Variants in DNM2 observed in about 807,000 individuals in gnomAD.
DNM2 encodes dynamin-2.
A neutral mutation model predicts 99.0 loss-of-function variants in DNM2; 15 were observed. The ratio of observed to expected loss-of-function variants is 0.15; its 90% CI spans 0.10 to 0.23. The LOEUF (loss-of-function observed/expected upper bound fraction) is 0.23, where lower values mean the gene tolerates loss of function less well. Among genes scored for constraint, DNM2 ranks in the 10% least tolerant of loss-of-function variants. The probability of loss-of-function intolerance (pLI) is 1.00; values close to 1 mark genes in which losing one functional copy is unlikely to be tolerated. For synonymous variants in DNM2, 525 were observed against 481.2 expected (o/e 1.09, Z -1.19); for missense variants, 742 against 1,189.4 (o/e 0.62, Z 5.53).
Position 10,795,999 on chromosome 19 carries a change from G to A in DNM2, c.1196+560G>A, listed in dbSNP as rs992123568. 27 of 1,610,178 alleles carry A rather than the reference G, an allele frequency of 1.7e-5. No homozygotes were observed. The African/African-American group carries it at 3.5e-4, about 21-fold the overall frequency. On this transcript the variant is annotated intron_variant, in intron 9 of 20. Transcript: ENST00000389253. The surrounding 1 kb of genome is among the most constrained non-coding windows in gnomAD (Gnocchi z 4.2). The stretch of plus-strand genomic sequence containing the variant: ...GGACCCGGCCAGGGCCAATGAAATT[G>A]CTGACCATGCTTTGTTTCTCTCTGA...
At chr19:10,822,930 C>A (rs1368905764) in intron 16 of DNM2, among the ~76,000 whole-genome samples, 1 of 151,670 alleles carries the variant, frequency 6.6e-6, no homozygotes, top group Non-Finnish European at 1.5e-5. Flanking sequence ...CACGGTGAAA[C>A]CCCGTCTCTA....
At chr19:10,778,744 A>T (rs986974550) in intron 5 of DNM2, among the ~76,000 whole-genome samples, 1 of 151,786 alleles carries the variant, frequency 6.6e-6, no homozygotes, top group Non-Finnish European at 1.5e-5. Context: ...TTGCCATCCC[A>T]TTTGTTTTTT....
chr19:10,819,251 AAAT>A (rs1479483096), intron 15 of DNM2, among the ~76,000 whole-genome samples: 1 of 152,080 alleles, frequency 6.6e-6, no homozygotes, highest in Non-Finnish European at 1.5e-5. Context: ...ATCTCTATTA[AAAT>A]AATGATAATG....
intron 18 of DNM2, 68 bp from the exon 19 acceptor site, chr19:10,828,968 C>A: frequency 6.6e-7 from 1 of 1,509,732 alleles, no homozygotes; most frequent in Non-Finnish European, 9.1e-7. Context: ...GATGTTTTTC[C>A]AGCAGTCACT....
Position 10,831,195 on chromosome 19 carries a change from G to T in DNM2, c.*148G>T. The T allele has an allele frequency of 1.4e-6, 2 of 1,400,706 alleles. No individual in the cohort carries two copies. Among genetic ancestry groups the T allele is most frequent in the Non-Finnish European group, 1.8e-6 (2 of 1,081,400 alleles). 86.8% of individuals were successfully genotyped at this position (1,400,706 alleles called of 1,614,324 possible). ...TTCCTTAACGCTGGCCCCGGTCCAG[G>T]GCCGGCCCCTGTGCCTGGCTGGACA... On this transcript the variant is annotated 3_prime_UTR_variant, in exon 21 of 21. Coordinates refer to ENST00000389253, the MANE Select transcript of DNM2 (RefSeq NM_001005361.3). This position sits in a 1 kb window ranked among gnomAD's most constrained non-coding sequence, Gnocchi z 4.3.
intron 1 of DNM2, among the ~76,000 whole-genome samples, chr19:10,736,924 A>C (rs1347957739): frequency 1.3e-5 from 2 of 152,072 alleles, no homozygotes; most frequent in Non-Finnish European, 2.9e-5. Context: ...AGGTGGAAGG[A>C]TCTCTTGAGC....
chr19:10,758,736 G>A (rs1485892439), intron 1 of DNM2, among the ~76,000 whole-genome samples: 2 of 151,420 alleles, frequency 1.3e-5, no homozygotes, highest in South Asian at 2.1e-4. Flanking sequence ...TAGTAGAGAC[G>A]GGGTTTCGCC....
At chr19:10,758,855 G>A (rs2070517775) in intron 1 of DNM2, among the ~76,000 whole-genome samples, 1 of 152,114 alleles carries the variant, frequency 6.6e-6, no homozygotes, top group South Asian at 2.1e-4. Flanking sequence ...GCCAGGATAT[G>A]TACTTTTCTT....
At chr19:10,813,936 G>A (rs2072643374) in intron 15 of DNM2, among the ~76,000 whole-genome samples, 1 of 152,142 alleles carries the variant, frequency 6.6e-6, no homozygotes, top group Non-Finnish European at 1.5e-5. Context: ...GCTGAGGTGG[G>A]TGGATCACCT....
At chr19:10,794,995 C>T (rs2071884618) in intron 8 of DNM2, among the ~76,000 whole-genome samples, 1 of 152,116 alleles carries the variant, frequency 6.6e-6, no homozygotes, top group African/African-American at 2.4e-5. Context: ...TCACAGCTCA[C>T]TGCAGCTTCG....
chr19:10,817,377 G>T lies in DNM2; in HGVS notation c.1672-2603G>T. 1 of 479,688 alleles carries T rather than the reference G, an allele frequency of 2.1e-6. No homozygotes were observed. 29.7% of individuals were successfully genotyped at this position (479,688 alleles called of 1,614,324 possible). ...GGGTGGTGGAAAATGACACTCACCTGCCGGCGAGTTTGGGGGGCCTGTCTC... is the reference window on the plus strand; with the variant it reads ...GGGTGGTGGAAAATGACACTCACCTTCCGGCGAGTTTGGGGGGCCTGTCTC... On this transcript the variant is annotated intron_variant, in intron 15 of 20. Transcript: ENST00000389253. The surrounding 1 kb of genome is among the most constrained non-coding windows in gnomAD (Gnocchi z 4.6).
intron 13 of DNM2, 173 bp from the exon 14 acceptor site, chr19:10,808,396 A>G (rs1599594919): frequency 1.6e-6 from 1 of 606,244 alleles, no homozygotes; most frequent in Non-Finnish European, 2.8e-6. Flanking sequence ...CACCATGAAT[A>G]TGATTAATAG....
chr19:10,795,294 G>A lies in DNM2; in HGVS notation c.1129-78G>A. The stretch of plus-strand genomic sequence containing the variant: ...TGTGAATATAGCCACACGTGGGAGA[G>A]AACGTTCCCCAGATGCACGCCTGCC... On this transcript the variant is annotated intron_variant, in intron 8 of 20. Coordinates refer to ENST00000389253, the MANE Select transcript of DNM2 (RefSeq NM_001005361.3). The surrounding 1 kb of genome is among the most constrained non-coding windows in gnomAD (Gnocchi z 4.2). 1 of 1,353,732 alleles carries A rather than the reference G, an allele frequency of 7.4e-7. No individual in the cohort carries two copies. Among genetic ancestry groups the A allele is most frequent in the Non-Finnish European group, 1.1e-6 (1 of 943,810 alleles). 83.9% of individuals were successfully genotyped at this position (1,353,732 alleles called of 1,614,324 possible). A position where few individuals can be genotyped will look rare whatever the true frequency, so the allele number is the denominator to read the frequency against.
chr19:10,786,234 G>A (rs1344969838), intron 6 of DNM2, among the ~76,000 whole-genome samples: 3 of 152,208 alleles, frequency 2.0e-5, no homozygotes, highest in Non-Finnish European at 2.9e-5. Context: ...GTCCCCATGT[G>A]TGTTCATTGG....
chr19:10,753,070 G>GCCA (rs1280535813), intron 1 of DNM2, among the ~76,000 whole-genome samples: 1 of 152,200 alleles, frequency 6.6e-6, no homozygotes, highest in African/African-American at 2.4e-5. Flanking sequence ...GTTGTAGTGA[G>GCCA]CTGTGACCTT....
intron 1 of DNM2, among the ~76,000 whole-genome samples, chr19:10,732,604 A>G (rs2145719257): frequency 6.6e-6 from 1 of 152,084 alleles, no homozygotes; most frequent in Admixed American, 6.6e-5. Flanking sequence ...CGTCTCAAAA[A>G]AAAAGGAAAA....
rs564754701 is a variant in DNM2, at chr19:10,797,259, C to G, written c.1197-121C>G. ...GGGCAAATGCGGGCGCAGGCTCCCC[C>G]ATGCATGGACTAATCAGATGACTCT... On this transcript the variant is annotated intron_variant, in intron 9 of 20. Coordinates refer to ENST00000389253, the MANE Select transcript of DNM2 (RefSeq NM_001005361.3). The G allele has an allele frequency of 3.5e-6, 5 of 1,420,880 alleles. No individual in the cohort carries two copies. The East Asian group carries it at 1.2e-4, about 35-fold the overall frequency. 88.0% of individuals were successfully genotyped at this position (1,420,880 alleles called of 1,614,324 possible).
intron 1 of DNM2, among the ~76,000 whole-genome samples, chr19:10,745,338 TC>T (rs1297457822): frequency 5.3e-5 from 8 of 152,198 alleles, no homozygotes; most frequent in African/African-American, 1.7e-4. Flanking sequence ...GAGTCGGCTG[TC>T]CTTGCCAAAC....
chr19:10,798,745 A>G (rs2072029099), intron 11 of DNM2, among the ~76,000 whole-genome samples, 173 bp downstream of exon 11: 1 of 151,962 alleles, frequency 6.6e-6, no homozygotes, highest in African/African-American at 2.4e-5. Flanking sequence ...TGACAGCTGC[A>G]TATGGCAAAG....
Sources: allele counts gnomAD v4.1 joint callset (sites outside exome capture counted in the v4.1 genomes callset), GRCh38; gene constraint gnomAD v4.1.1; non-coding constraint Gnocchi (gnomAD v3.1); transcripts MANE v1.5; gene names NCBI Gene and HGNC (gene_info 2026-07-23, HGNC 2026-07-21).